The following CLXN variants were observed in gnomAD, a reference collection of about 807,000 sequenced individuals.
CLXN encodes EF-hand calcium binding domain 1.
At chr8:48,720,002 A>T in the CLXN span, among the ~76,000 whole-genome samples, 77 of 152,324 alleles carry the variant, frequency 5.1e-4, no homozygotes, top group African/African-American at 1.8e-3. Flanking sequence ...AGGAACATAA[A>T]TTGTGAAGAT....
At chr8:48,714,720 G>T in the CLXN span, among the ~76,000 whole-genome samples, 2 of 152,304 alleles carry the variant, frequency 1.3e-5, no homozygotes, top group Admixed American at 1.3e-4. Flanking sequence ...TGGCAGTTCA[G>T]TTGGAAGCCT....
chr8:48,730,615 C>T, the CLXN span: 4 of 1,610,866 alleles, frequency 2.5e-6, no homozygotes, highest in Non-Finnish European at 2.5e-6. Context: ...TTTACACAGC[C>T]ATCATTATCT....
At chr8:48,724,733 T>G in the CLXN span, 30 of 1,604,048 alleles carry the variant, frequency 1.9e-5, no homozygotes, top group Non-Finnish European at 2.5e-5. Context: ...AATATAGACA[T>G]TTAGTTATTC....
chr8:48,727,233 TCCATCC>T, the CLXN span, among the ~76,000 whole-genome samples: 19 of 130,106 alleles, frequency 1.5e-4, no homozygotes, highest in African/African-American at 5.5e-4. Context: ...CATCCATCCA[TCCATCC>T]ATCCATCCAT....
At chr8:48,719,937 A>G in the CLXN span, among the ~76,000 whole-genome samples, 1 of 152,182 alleles carries the variant, frequency 6.6e-6, no homozygotes, top group African/African-American at 2.4e-5. Flanking sequence ...AAGTTAAAGC[A>G]TTGTTGCGGG....
the CLXN span, among the ~76,000 whole-genome samples, chr8:48,721,268 C>T: frequency 6.6e-6 from 1 of 152,094 alleles, no homozygotes; most frequent in Non-Finnish European, 1.5e-5. Context: ...AAGTCTTATA[C>T]ACTGAAAATT....
chr8:48,729,157 G>A, the CLXN span: 41 of 1,595,250 alleles, frequency 2.6e-5, no homozygotes, highest in South Asian at 4.4e-4. Flanking sequence ...CTAGGGGAAT[G>A]AGAAACATGT....
the CLXN span, among the ~76,000 whole-genome samples, chr8:48,733,919 T>G: frequency 6.6e-6 from 1 of 152,210 alleles, no homozygotes; most frequent in African/African-American, 2.4e-5. Flanking sequence ...AGATGTTTAC[T>G]AGAAGAATAC....
the CLXN span, chr8:48,729,892 T>C: frequency 1.3e-6 from 2 of 1,595,412 alleles, no homozygotes; most frequent in East Asian, 2.2e-5. Context: ...AAATAACAAA[T>C]CATGAATTTG....
chr8:48,726,933 G>A, the CLXN span, among the ~76,000 whole-genome samples: 44 of 104,544 alleles, frequency 4.2e-4, 1 homozygote, highest in South Asian at 4.5e-3. Flanking sequence ...ACCCACCCAC[G>A]CATCCAACCA....
At chr8:48,721,862 A>G in the CLXN span, among the ~76,000 whole-genome samples, 3 of 152,226 alleles carry the variant, frequency 2.0e-5, no homozygotes, top group Non-Finnish European at 2.9e-5. Flanking sequence ...CAACACAGAA[A>G]AAAAGCTTCA....
At chr8:48,723,407 GTTTTC>G in the CLXN span, 2 of 152,010 alleles carry the variant, frequency 1.3e-5, no homozygotes, top group Non-Finnish European at 2.9e-5. Context: ...AGTAAAATAT[GTTTTC>G]TTTTATTTCA....
the CLXN span, chr8:48,729,284 G>A: frequency 1.5e-6 from 1 of 652,652 alleles, no homozygotes; most frequent in Non-Finnish European, 2.5e-6. Context: ...TAGCACTTTG[G>A]GAGGCTAAGG....
chr8:48,724,416 C>T, the CLXN span: 1 of 185,424 alleles, frequency 5.4e-6, no homozygotes, highest in Admixed American at 6.2e-5. Context: ...TTTGTATTAA[C>T]AATTCATAAT....
chr8:48,718,249 G>A, the CLXN span, among the ~76,000 whole-genome samples: 13 of 152,010 alleles, frequency 8.6e-5, no homozygotes, highest in Admixed American at 7.2e-4. Flanking sequence ...ACTGAGAAAT[G>A]GTCAATTCAA....
At chr8:48,721,534 G>A in the CLXN span, among the ~76,000 whole-genome samples, 5 of 152,128 alleles carry the variant, frequency 3.3e-5, no homozygotes, top group South Asian at 2.1e-4. Flanking sequence ...AGCTGAAGAC[G>A]TCATACTTCC....
the CLXN span, chr8:48,715,749 T>C: frequency 6.6e-6 from 1 of 152,106 alleles, no homozygotes; most frequent in African/African-American, 2.4e-5. Flanking sequence ...CACCAATAGG[T>C]GAAGGTCTTT....
the CLXN span, among the ~76,000 whole-genome samples, chr8:48,721,884 T>A: frequency 6.6e-6 from 1 of 152,204 alleles, no homozygotes; most frequent in Non-Finnish European, 1.5e-5. Context: ...GACATTAGTC[T>A]AGGCAATGAT....
At chr8:48,731,316 T>A in the CLXN span, 1 of 1,559,786 alleles carries the variant, frequency 6.4e-7, no homozygotes, top group Admixed American at 1.9e-5. Context: ...TATGGCTGGA[T>A]TTGGCTAATT....
Sources: allele counts gnomAD v4.1 joint callset (sites outside exome capture counted in the v4.1 genomes callset), GRCh38; gene constraint gnomAD v4.1.1; transcripts MANE v1.5; gene names NCBI Gene and HGNC (gene_info 2026-07-23, HGNC 2026-07-21).